The following CSMD3 variants were observed in gnomAD, a reference collection of about 807,000 sequenced individuals.
CSMD3 encodes CUB and sushi domain-containing protein 3.
CSMD3 carries 177 observed loss-of-function variants against 435.2 expected under a neutral mutation model. That is an observed-to-expected ratio of 0.41 (90% CI 0.36 to 0.46). The LOEUF is 0.46. CSMD3 is among the 20% of genes least tolerant of loss of function. The probability of loss-of-function intolerance (pLI) is 0.34; values close to 1 mark genes in which losing one functional copy is unlikely to be tolerated. For synonymous variants in CSMD3, 1,656 were observed against 1,520.5 expected (o/e 1.09, Z -2.07); for missense variants, 4,265 against 4,504.6 (o/e 0.95, Z 1.52).
intron 5 of CSMD3, among the ~76,000 whole-genome samples, chr8:113,070,327 T>C (rs1399572844): frequency 6.6e-6 from 1 of 152,016 alleles, no homozygotes; most frequent in Admixed American, 6.6e-5. Flanking sequence ...CTATTCCACC[T>C]CTAAAAAATC....
intron 10 of CSMD3, among the ~76,000 whole-genome samples, chr8:112,877,209 G>C (rs2081309096): frequency 6.6e-6 from 1 of 151,704 alleles, no homozygotes; most frequent in Admixed American, 6.6e-5. Context: ...ATTCAATGCT[G>C]TCCCCATCAA....
intron 1 of CSMD3, among the ~76,000 whole-genome samples, chr8:113,330,811 T>G (rs531866811): frequency 2.6e-5 from 4 of 151,902 alleles, no homozygotes; most frequent in African/African-American, 9.7e-5. Flanking sequence ...GGGATAAGTA[T>G]ATACTTCAAA....
chr8:113,172,089 C>A (rs2092278037), intron 4 of CSMD3, among the ~76,000 whole-genome samples: 1 of 152,164 alleles, frequency 6.6e-6, no homozygotes, highest in African/African-American at 2.4e-5. Flanking sequence ...ACAAATCCTG[C>A]TATTCTTGCT....
chr8:112,510,756 T>C (rs1823035244), intron 28 of CSMD3, among the ~76,000 whole-genome samples: 2 of 152,234 alleles, frequency 1.3e-5, no homozygotes, highest in South Asian at 2.1e-4. Context: ...TTTTATTTAA[T>C]ATTCCATTCA....
chr8:112,597,676 A>C (rs1831870707), intron 22 of CSMD3, among the ~76,000 whole-genome samples: 1 of 133,520 alleles, frequency 7.5e-6, no homozygotes, highest in Non-Finnish European at 1.6e-5. Flanking sequence ...ACCATGATCA[A>C]GTGGGCTTCA....
intron 13 of CSMD3, among the ~76,000 whole-genome samples, chr8:112,778,543 C>A (rs1486997442): frequency 6.6e-6 from 1 of 151,824 alleles, no homozygotes; most frequent in Non-Finnish European, 1.5e-5. Flanking sequence ...CTTGATAGAT[C>A]ATTTCTTTTT....
chr8:112,532,831 C>T (rs908150601), intron 27 of CSMD3, among the ~76,000 whole-genome samples: 1 of 152,076 alleles, frequency 6.6e-6, no homozygotes, highest in Non-Finnish European at 1.5e-5. Flanking sequence ...GTGTGTAACA[C>T]TTGTGTCTTT....
intron 1 of CSMD3, among the ~76,000 whole-genome samples, chr8:113,387,431 A>G (rs958299194): frequency 6.6e-6 from 1 of 151,836 alleles, no homozygotes; most frequent in Non-Finnish European, 1.5e-5. Context: ...CTGTCTTTCA[A>G]GTACCACATG....
At chr8:113,302,632 G>A (rs1022291647) in intron 2 of CSMD3, among the ~76,000 whole-genome samples, 51 of 151,884 alleles carry the variant, frequency 3.4e-4, no homozygotes, top group African/African-American at 1.2e-3. Flanking sequence ...TGGTCACTTC[G>A]ATTATGCCAT....
chr8:112,525,529 G>C lies in CSMD3; in HGVS notation c.4565-8304C>G, dbSNP rs1425968364. Reference sequence around the variant, plus strand: ...AGGTCAGGAAATCGAGACCATCCTGGCTAACATGGTGAAACCCCGTCTCTA... The same window carrying C: ...AGGTCAGGAAATCGAGACCATCCTGCCTAACATGGTGAAACCCCGTCTCTA... On this transcript the variant is annotated intron_variant, in intron 27 of 70. Coordinates refer to ENST00000297405, the MANE Select transcript of CSMD3 (RefSeq NM_198123.2). Among the ~76,000 whole-genome samples, 5 of 148,888 alleles carry C rather than the reference G, an allele frequency of 3.4e-5. No individual in the cohort carries two copies. In the South Asian group the frequency reaches 1.0e-3, roughly 31 times the overall value.
At chr8:113,298,771 G>T (rs1486901553) in intron 2 of CSMD3, among the ~76,000 whole-genome samples, 3 of 152,050 alleles carry the variant, frequency 2.0e-5, no homozygotes, top group Non-Finnish European at 4.4e-5. Context: ...ACAAAGCAGA[G>T]TTCAAGGTCT....
chr8:112,735,002 T>C (rs1175347499), intron 13 of CSMD3, among the ~76,000 whole-genome samples: 4 of 152,164 alleles, frequency 2.6e-5, no homozygotes, highest in Middle Eastern at 3.4e-3. Context: ...ACTATCTCTA[T>C]TTGTCTCTTG....
chr8:113,345,437 C>T (rs1475123697), intron 1 of CSMD3, among the ~76,000 whole-genome samples: 1 of 152,054 alleles, frequency 6.6e-6, no homozygotes, highest in Non-Finnish European at 1.5e-5. Flanking sequence ...TATGACTGTA[C>T]ATGCTAAACA....
chr8:112,337,757 T>G, intron 42 of CSMD3, 26 bp from the exon 43 acceptor site: 1 of 1,589,690 alleles, frequency 6.3e-7, no homozygotes, highest in Non-Finnish European at 8.6e-7. Context: ...AGAAAGACAT[T>G]TTTTCTTTCC....
At chr8:112,545,501 A>T (rs375364556) in intron 27 of CSMD3, among the ~76,000 whole-genome samples, 2,765 of 122,514 alleles carry the variant, frequency 0.023, 58 homozygotes, top group Middle Eastern at 0.036. Context: ...AAAAAAAAAA[A>T]AATAATAATA....
intron 13 of CSMD3, among the ~76,000 whole-genome samples, chr8:112,750,734 C>CAGTGTT (rs1272175831): frequency 6.6e-6 from 1 of 151,978 alleles, no homozygotes; most frequent in African/African-American, 2.4e-5. Context: ...TCAGATCATA[C>CAGTGTT]AGTGTTAAAA....
chr8:113,196,751 T>C (rs998869056), intron 3 of CSMD3, among the ~76,000 whole-genome samples: 3 of 151,210 alleles, frequency 2.0e-5, no homozygotes, highest in Non-Finnish European at 4.4e-5. Context: ...ACTTAGAAAT[T>C]TATCATGGCG....
At chr8:113,133,296 C>A (rs2091331589) in intron 4 of CSMD3, among the ~76,000 whole-genome samples, 1 of 152,004 alleles carries the variant, frequency 6.6e-6, no homozygotes, top group African/African-American at 2.4e-5. Flanking sequence ...AAATAGCCAA[C>A]TAACAAATGA....
intron 67 of CSMD3, among the ~76,000 whole-genome samples, chr8:112,235,345 C>T (rs1157621668): frequency 1.3e-5 from 2 of 152,050 alleles, no homozygotes; most frequent in African/African-American, 2.4e-5. Flanking sequence ...GATGGCACCA[C>T]TGCACTCCAG....
Sources: gnomAD v4.1 joint callset for allele counts (sites outside exome capture counted in the v4.1 genomes callset) on GRCh38, gnomAD v4.1.1 for gene constraint, MANE v1.5 for transcripts, NCBI Gene and HGNC (gene_info 2026-07-23, HGNC 2026-07-21) for gene names.